Variants in ASTN2 observed in about 807,000 individuals in gnomAD.
ASTN2 encodes astrotactin-2.
Under a neutral mutation model 139.8 loss-of-function variants are expected in ASTN2, and 54 were observed. That is an observed-to-expected ratio of 0.39 (90% CI 0.31 to 0.48). ASTN2 has a LOEUF of 0.48. Ranked by LOEUF, ASTN2 falls within the 20% of genes least tolerant of loss-of-function variation. The pLI, the probability that ASTN2 is intolerant of heterozygous loss-of-function variation, is 0.95. For missense variants in ASTN2, 1,565 were observed against 1,725.1 expected (o/e 0.91, Z 1.64); for synonymous variants, 756 against 719.5 (o/e 1.05, Z -0.81).
chr9:117,020,217 T>C (rs1038287202), intron 6 of ASTN2, among the ~76,000 whole-genome samples: 14 of 152,070 alleles, frequency 9.2e-5, no homozygotes, highest in African/African-American at 3.4e-4. Flanking sequence ...GTACTATTAC[T>C]AGTACTTCTA....
intron 10 of ASTN2, among the ~76,000 whole-genome samples, chr9:116,967,199 GT>G (rs1187389369): frequency 6.6e-6 from 1 of 152,160 alleles, no homozygotes; most frequent in African/African-American, 2.4e-5. Flanking sequence ...AAAAGTTTAA[GT>G]GTTATCTCAT....
At chr9:116,679,915 A>G (rs1315492323) in intron 16 of ASTN2, among the ~76,000 whole-genome samples, 1 of 152,242 alleles carries the variant, frequency 6.6e-6, no homozygotes, top group Non-Finnish European at 1.5e-5. Flanking sequence ...CCCATAAGAG[A>G]AAGCAGGAAA....
At chr9:117,035,628 A>G (rs908898890) in intron 6 of ASTN2, among the ~76,000 whole-genome samples, 1 of 152,174 alleles carries the variant, frequency 6.6e-6, no homozygotes, top group Non-Finnish European at 1.5e-5. Context: ...GGTGGATAAT[A>G]AAGACCACTT....
intron 5 of ASTN2, among the ~76,000 whole-genome samples, chr9:117,057,781 A>G (rs993486846): frequency 2.6e-5 from 4 of 152,182 alleles, no homozygotes; most frequent in African/African-American, 9.7e-5. Flanking sequence ...AAAAAGTGCC[A>G]TTGCAAAAGC....
intron 16 of ASTN2, among the ~76,000 whole-genome samples, chr9:116,697,180 T>G (rs1345080785): frequency 6.6e-6 from 1 of 152,196 alleles, no homozygotes; most frequent in Non-Finnish European, 1.5e-5. Context: ...TGCATAATTC[T>G]CCTGTGCTTT....
intron 3 of ASTN2, among the ~76,000 whole-genome samples, chr9:117,162,695 G>A (rs1367749813): frequency 2.0e-5 from 3 of 152,128 alleles, no homozygotes; most frequent in Admixed American, 6.6e-5. Context: ...TGTACAAAGG[G>A]TGTTGTGAGG....
At chr9:116,822,485 G>T (rs558195555) in intron 11 of ASTN2, among the ~76,000 whole-genome samples, 21 of 152,282 alleles carry the variant, frequency 1.4e-4, no homozygotes, top group African/African-American at 4.8e-4. Flanking sequence ...AGGGCACCTG[G>T]TCACAGGGTC....
At chr9:116,990,427 C>T (rs943064024) in intron 7 of ASTN2, among the ~76,000 whole-genome samples, 3 of 149,158 alleles carry the variant, frequency 2.0e-5, no homozygotes, top group Non-Finnish European at 4.5e-5. Context: ...CCACCATGCT[C>T]GGCTAGTTTT....
At chr9:117,116,202 A>G (rs552964928) in intron 4 of ASTN2, among the ~76,000 whole-genome samples, 31 of 152,276 alleles carry the variant, frequency 2.0e-4, no homozygotes, top group African/African-American at 6.7e-4. Flanking sequence ...GGGGTAGCAG[A>G]AAGAATGGTC....
At chr9:117,334,577 T>C (rs1315194467) in intron 1 of ASTN2, among the ~76,000 whole-genome samples, 2 of 151,688 alleles carry the variant, frequency 1.3e-5, no homozygotes, top group African/African-American at 4.8e-5. Flanking sequence ...CTCTACCACC[T>C]GGTTCCAGCC....
Position 116,698,922 on chromosome 9 carries a change from C to T in ASTN2, c.2806+26849G>A, listed in dbSNP as rs886044008. On this transcript the variant is annotated intron_variant, in intron 16 of 22. Coordinates refer to ENST00000313400, the MANE Select transcript of ASTN2 (RefSeq NM_001365068.1). The surrounding 1 kb of genome is among the most constrained non-coding windows in gnomAD (Gnocchi z 4.4). ...ACTAGTCGCTGACCGTGGTAACTAT[C>T]GTATACAAGTCTTTACCCGCAAAGG... is the stretch of plus-strand genomic sequence containing the variant. 16 of 1,614,074 alleles carry T rather than the reference C, an allele frequency of 9.9e-6. No homozygotes were observed. The highest frequency in any genetic ancestry group is 1.3e-5 in the Non-Finnish European group (15 of 1,180,044).
At chr9:117,153,793 C>T (rs747020411) in intron 3 of ASTN2, among the ~76,000 whole-genome samples, 6 of 152,098 alleles carry the variant, frequency 3.9e-5, no homozygotes, top group African/African-American at 1.2e-4. Context: ...AGGTATCCCT[C>T]GTCAGTGGCA....
chr9:116,502,153 G>A (rs1156603189), intron 19 of ASTN2, among the ~76,000 whole-genome samples: 1 of 151,854 alleles, frequency 6.6e-6, no homozygotes, highest in Non-Finnish European at 1.5e-5. Context: ...GTGTGTGTGT[G>A]TGTGTATGTG....
rs138958685 is a variant in ASTN2, at chr9:117,008,886, A to G, written c.1424-627T>C. Among the ~76,000 whole-genome samples the G allele has an allele frequency of 7.8e-3, 1,182 of 152,248 alleles. 7 individuals carry two copies. The highest frequency in any genetic ancestry group is 0.034 in the Middle Eastern group (10 of 294). ...GTGTTGTTTGTTTTTGTTTTATTAT[A>G]AGAAAGACAGAAAGATATAGAGAGA... On this transcript the variant is annotated intron_variant, in intron 6 of 22. Coordinates refer to ENST00000313400, the MANE Select transcript of ASTN2 (RefSeq NM_001365068.1).
chr9:116,891,818 A>G (rs1220460877), intron 10 of ASTN2, among the ~76,000 whole-genome samples: 1 of 152,254 alleles, frequency 6.6e-6, no homozygotes. Flanking sequence ...GCTAGACTGC[A>G]AAATAGGAAT....
At chr9:116,863,534 G>A (rs1484644475) in intron 11 of ASTN2, 49 bp downstream of exon 11, 3 of 1,598,044 alleles carry the variant, frequency 1.9e-6, no homozygotes, top group South Asian at 1.1e-5. Flanking sequence ...CTAGCAGGTG[G>A]CCTTAGCCCC....
At chr9:117,315,008 A>AATAT in intron 1 of ASTN2, among the ~76,000 whole-genome samples, 1 of 148,106 alleles carries the variant, frequency 6.8e-6, no homozygotes. Flanking sequence ...TATATTACTT[A>AATAT]ATATATATAA....
At chr9:116,594,372 G>T (rs1854485248) in intron 19 of ASTN2, among the ~76,000 whole-genome samples, 1 of 152,158 alleles carries the variant, frequency 6.6e-6, no homozygotes, top group South Asian at 2.1e-4. Context: ...AGCTAGACCT[G>T]TCTCTGGAAT....
Position 116,977,523 on chromosome 9 carries a change from G to A in ASTN2, c.1592-738C>T, listed in dbSNP as rs116789569. ...CTTACGCTTGGTTGCATGAATGCTTGCTAGCATTACACACTGCCTTAAGTA... is the reference window on the plus strand; with the variant it reads ...CTTACGCTTGGTTGCATGAATGCTTACTAGCATTACACACTGCCTTAAGTA... On this transcript the variant is annotated intron_variant, in intron 7 of 22. Coordinates refer to ENST00000313400, the MANE Select transcript of ASTN2 (RefSeq NM_001365068.1). Among the ~76,000 whole-genome samples the A allele has an allele frequency of 3.8e-3, 578 of 151,664 alleles. 4 individuals carry two copies. The highest frequency in any genetic ancestry group is 0.014 in the African/African-American group (565 of 41,330).
Sources: allele counts gnomAD v4.1 joint callset (sites outside exome capture counted in the v4.1 genomes callset), GRCh38; gene constraint gnomAD v4.1.1; non-coding constraint Gnocchi (gnomAD v3.1); transcripts MANE v1.5; gene names NCBI Gene and HGNC (gene_info 2026-07-23, HGNC 2026-07-21).